CAV1: variants seen among roughly 807,000 people sequenced by gnomAD.
CAV1 encodes the protein caveolin-1.
In CAV1, 10 loss-of-function variants were observed where a neutral mutation model predicts 16.5. The observed-to-expected ratio is 0.61, with a 90% confidence interval of 0.37 to 1.03. The LOEUF (loss-of-function observed/expected upper bound fraction) is 1.03, where lower values mean the gene tolerates loss of function less well. Ranked by LOEUF, CAV1 falls within the 50% of genes least tolerant of loss-of-function variation. The pLI is 0.01. For synonymous variants in CAV1, 76 were observed against 85.1 expected (o/e 0.89, Z 0.59); for missense variants, 212 against 232.8 (o/e 0.91, Z 0.58).
intron 2 of CAV1, among the ~76,000 whole-genome samples, chr7:116,554,470 C>G (rs1375143441): frequency 6.6e-6 from 1 of 152,166 alleles, no homozygotes; most frequent in African/African-American, 2.4e-5. Context: ...AATGATGTAA[C>G]TTCCTAGGGA....
At chr7:116,541,934 A>G (rs144585116) in intron 2 of CAV1, among the ~76,000 whole-genome samples, 167 of 152,330 alleles carry the variant, frequency 1.1e-3, no homozygotes, top group Middle Eastern at 6.8e-3. Context: ...TAACTGGCGC[A>G]TAACAGCCTT....
chr7:116,536,259 A>G (rs1272791155), intron 2 of CAV1, among the ~76,000 whole-genome samples: 1 of 151,920 alleles, frequency 6.6e-6, no homozygotes, highest in East Asian at 1.9e-4. Context: ...GCGATATCTC[A>G]TATCCCAGCT....
Position 116,534,556 on chromosome 7 carries a change from C to T in CAV1, c.195+7867C>T, listed in dbSNP as rs186725489. On this transcript the variant is annotated intron_variant, in intron 2 of 2. Coordinates refer to ENST00000341049, the MANE Select transcript of CAV1 (RefSeq NM_001753.5). Reference sequence around the variant, plus strand: ...CTGGGACTACAGGCGCCCGCCACCACGGCTGGCTAATTTTTTCTATTTTTT... The same window carrying T: ...CTGGGACTACAGGCGCCCGCCACCATGGCTGGCTAATTTTTTCTATTTTTT... 4.2e-3 allele frequency among the ~76,000 whole-genome samples: 630 copies of T among 150,306 alleles called. 4 individuals carry two copies. The highest frequency in any genetic ancestry group is 7.4e-3 in the Admixed American group (111 of 15,056).
At chr7:116,525,955 G>A in intron 1 of CAV1, 1 of 457,416 alleles carries the variant, frequency 2.2e-6, no homozygotes, top group Non-Finnish European at 2.9e-6. Context: ...GGCGCGGGCA[G>A]GTGCGAGGGG....
Position 116,559,597 on chromosome 7 carries a change from T to G in CAV1, c.*310T>G. The stretch of plus-strand genomic sequence containing the variant: ...TTGTTGAAAGGTAATTTGAGAGAAA[T>G]ATGAAGAACTGAGGAGGAAAAAAAA... On this transcript the variant is annotated 3_prime_UTR_variant, in exon 3 of 3. Coordinates refer to ENST00000341049, the MANE Select transcript of CAV1 (RefSeq NM_001753.5). 2.2e-6 allele frequency: 1 copy of G among 453,340 alleles called. No individual in the cohort carries two copies. The highest frequency in any genetic ancestry group is 3.4e-5 in the East Asian group (1 of 29,484). The allele number at this position is 453,340 out of a possible 1,614,324, so 28.1% of individuals were successfully genotyped here.
In CAV1 at chr7:116,538,801, C is replaced by T. The variant is rs188585182; in HGVS notation, c.195+12112C>T. 4.6e-5 allele frequency among the ~76,000 whole-genome samples: 7 copies of T among 152,238 alleles called. No homozygotes were observed. In the East Asian group the frequency reaches 1.4e-3, roughly 29 times the overall value. On this transcript the variant is annotated intron_variant, in intron 2 of 2. Coordinates refer to ENST00000341049, the MANE Select transcript of CAV1 (RefSeq NM_001753.5). Reference sequence around the variant, plus strand: ...TCACAGTTCCACATGCCTGGGGAGGCTTCACAATCATGGAGGAAGGTGAAA... The same window carrying T: ...TCACAGTTCCACATGCCTGGGGAGGTTTCACAATCATGGAGGAAGGTGAAA...
intron 2 of CAV1, among the ~76,000 whole-genome samples, chr7:116,528,730 A>G (rs1045238132): frequency 2.0e-5 from 3 of 152,174 alleles, no homozygotes; most frequent in African/African-American, 7.2e-5. Context: ...AATAACAGAA[A>G]CAGGGATGAT....
intron 2 of CAV1, among the ~76,000 whole-genome samples, chr7:116,534,381 A>AT (rs1793755518): frequency 1.7e-4 from 2 of 11,514 alleles, no homozygotes; most frequent in Non-Finnish European, 1.7e-4. Context: ...ATATATATAT[A>AT]TATATATATA....
chr7:116,541,601 A>T (rs1793937060), intron 2 of CAV1, among the ~76,000 whole-genome samples: 1 of 151,958 alleles, frequency 6.6e-6, no homozygotes, highest in Non-Finnish European at 1.5e-5. Flanking sequence ...AAAATACAAA[A>T]ATTAGCCAGG....
In CAV1 at chr7:116,560,213, T is replaced by G. The variant is rs1228422391; in HGVS notation, c.*926T>G. 3 of 188,490 alleles carry G rather than the reference T, an allele frequency of 1.6e-5. No homozygotes were observed. The highest frequency in any genetic ancestry group is 3.3e-5 in the Non-Finnish European group (3 of 92,290). 11.7% of individuals were successfully genotyped at this position (188,490 alleles called of 1,614,324 possible). On this transcript the variant is annotated 3_prime_UTR_variant, in exon 3 of 3. Transcript: ENST00000341049. Reference sequence around the variant, plus strand: ...TGAGCTCTCTGTGGGCTGGCAGTCCTGGAAGCCAGCTTTCCCTGCCTCTCA... The same window carrying G: ...TGAGCTCTCTGTGGGCTGGCAGTCCGGGAAGCCAGCTTTCCCTGCCTCTCA...
intron 1 of CAV1, chr7:116,525,414 G>C: frequency 6.9e-7 from 1 of 1,443,990 alleles, no homozygotes; most frequent in African/African-American, 1.4e-5. Context: ...CTCCCTTGTC[G>C]CGGGACCCCC....
At chr7:116,557,494 C>T (rs1440277361) in intron 2 of CAV1, among the ~76,000 whole-genome samples, 1 of 152,154 alleles carries the variant, frequency 6.6e-6, no homozygotes, top group African/African-American at 2.4e-5. Flanking sequence ...CTCTGTCCTA[C>T]CTTTCTGTTG....
chr7:116,539,538 T>C (rs1187893845), intron 2 of CAV1, among the ~76,000 whole-genome samples: 1 of 152,038 alleles, frequency 6.6e-6, no homozygotes, highest in African/African-American at 2.4e-5. Context: ...TATTTGAAAA[T>C]CTTGTTGGAA....
chr7:116,556,816 T>C (rs1794303766), intron 2 of CAV1, among the ~76,000 whole-genome samples: 1 of 152,194 alleles, frequency 6.6e-6, no homozygotes, highest in Non-Finnish European at 1.5e-5. Flanking sequence ...AGGGCAGTCA[T>C]GGATGACCAT....
intron 1 of CAV1, 40 bp from the exon 2 acceptor site, chr7:116,526,485 G>A (rs765673187): frequency 6.2e-6 from 10 of 1,612,670 alleles, no homozygotes; most frequent in Middle Eastern, 1.7e-4. Context: ...CGCCGTTGCC[G>A]CCCTCCCCGT....
At chr7:116,532,924 C>T (rs1793714165) in intron 2 of CAV1, among the ~76,000 whole-genome samples, 1 of 152,162 alleles carries the variant, frequency 6.6e-6, no homozygotes, top group Non-Finnish European at 1.5e-5. Context: ...TCTAGTCCCA[C>T]TGGACACCAA....
At chr7:116,554,174 T>A (rs7804372) in intron 2 of CAV1, among the ~76,000 whole-genome samples, 40,237 of 152,110 alleles carry the variant, frequency 0.26, 5,465 homozygotes, top group African/African-American at 0.32. Flanking sequence ...TTGATGTGGA[T>A]CTCTGAACTC....
chr7:116,538,983 A>T (rs1332062695), intron 2 of CAV1, among the ~76,000 whole-genome samples: 1 of 152,160 alleles, frequency 6.6e-6, no homozygotes, highest in African/African-American at 2.4e-5. Context: ...CAAAATGGGA[A>T]AATTATGGGA....
intron 2 of CAV1, among the ~76,000 whole-genome samples, chr7:116,536,979 C>T (rs1034543583): frequency 3.2e-5 from 4 of 125,702 alleles, no homozygotes; most frequent in Non-Finnish European, 6.3e-5. Context: ...GTCCGCAGTC[C>T]GGCCTGGGCA....
Sources: gnomAD v4.1 joint callset for allele counts (sites outside exome capture counted in the v4.1 genomes callset) on GRCh38, gnomAD v4.1.1 for gene constraint, MANE v1.5 for transcripts, NCBI Gene and HGNC (gene_info 2026-07-23, HGNC 2026-07-21) for gene names.